The following SAXO5 variants were observed in gnomAD, a reference collection of about 807,000 sequenced individuals.
SAXO5 encodes testis expressed 45.
chr19:7,505,862 G>A, the SAXO5 span: 2 of 1,210,110 alleles, frequency 1.7e-6, no homozygotes, highest in Non-Finnish European at 2.3e-6. Context: ...CAGAAGGGGT[G>A]AGGGAGCTGT....
the SAXO5 span, among the ~76,000 whole-genome samples, chr19:7,502,118 T>C: frequency 2.2e-4 from 34 of 152,158 alleles, no homozygotes; most frequent in African/African-American, 7.9e-4. Context: ...TATATGTGTA[T>C]ATATTTTTTT....
At chr19:7,498,430 C>G in the SAXO5 span, among the ~76,000 whole-genome samples, 6 of 125,194 alleles carry the variant, frequency 4.8e-5, no homozygotes, top group African/African-American at 1.8e-4. Flanking sequence ...GAGTTTCGCT[C>G]TTGTTGCCCA....
chr19:7,505,922 C>T, the SAXO5 span: 1 of 1,530,270 alleles, frequency 6.5e-7, no homozygotes, highest in Non-Finnish European at 8.8e-7. Context: ...GCCCGGGGAC[C>T]TCTCGGACGC....
the SAXO5 span, chr19:7,505,672 A>G: frequency 3.7e-5 from 58 of 1,564,450 alleles, no homozygotes; most frequent in Admixed American, 7.2e-4. Context: ...GGCTTCCCAG[A>G]CAGAGCAAAT....
the SAXO5 span, chr19:7,505,971 C>G: frequency 6.3e-7 from 1 of 1,584,580 alleles, no homozygotes; most frequent in Non-Finnish European, 8.6e-7. Context: ...CAGCCGCCAC[C>G]CCCGACCCAG....
the SAXO5 span, among the ~76,000 whole-genome samples, chr19:7,499,215 G>A: frequency 6.6e-6 from 1 of 152,060 alleles, no homozygotes; most frequent in Non-Finnish European, 1.5e-5. Context: ...GGGAGGCTGA[G>A]GCAGGAGAGT....
the SAXO5 span, chr19:7,508,227 C>A: frequency 1.2e-6 from 2 of 1,613,930 alleles, no homozygotes; most frequent in Non-Finnish European, 1.7e-6. Flanking sequence ...CCACATGGAG[C>A]CCCCTCTGGG....
chr19:7,503,325 C>A, the SAXO5 span, among the ~76,000 whole-genome samples: 1 of 151,886 alleles, frequency 6.6e-6, no homozygotes, highest in African/African-American at 2.4e-5. Context: ...CAAGATTGTG[C>A]CACTGCACTC....
the SAXO5 span, chr19:7,504,094 C>CTCTCTCTCTT: frequency 1.3e-6 from 2 of 1,505,624 alleles, no homozygotes; most frequent in Non-Finnish European, 1.8e-6. Flanking sequence ...CTCTCTCTCT[C>CTCTCTCTCTT]CCCCCATCCC....
chr19:7,507,018 C>G, the SAXO5 span: 1 of 1,565,086 alleles, frequency 6.4e-7, no homozygotes, highest in East Asian at 2.2e-5. Context: ...CGCCTCGGCC[C>G]ACAGCCCTCA....
the SAXO5 span, among the ~76,000 whole-genome samples, chr19:7,504,594 T>G: frequency 6.6e-6 from 1 of 151,596 alleles, no homozygotes; most frequent in African/African-American, 2.4e-5. Flanking sequence ...TAATCCCAGT[T>G]ACTCCGGAGG....
At chr19:7,501,401 T>A in the SAXO5 span, 1 of 1,484,046 alleles carries the variant, frequency 6.7e-7, no homozygotes, top group Non-Finnish European at 8.8e-7. Context: ...GCCACCTCGG[T>A]GAGCGCGCGC....
At chr19:7,505,658 A>G in the SAXO5 span, 6 of 1,595,332 alleles carry the variant, frequency 3.8e-6, no homozygotes, top group Non-Finnish European at 5.2e-6. Flanking sequence ...GCGGCAGGGA[A>G]AAGGGCTTCC....
the SAXO5 span, chr19:7,504,007 G>A: frequency 1.4e-6 from 1 of 712,314 alleles, no homozygotes; most frequent in Non-Finnish European, 2.5e-6. Context: ...ACACTGTTCA[G>A]AATGGCCCAG....
At chr19:7,507,535 G>A in the SAXO5 span, among the ~76,000 whole-genome samples, 5 of 151,734 alleles carry the variant, frequency 3.3e-5, no homozygotes, top group South Asian at 6.2e-4. Context: ...AGCCAAGATC[G>A]CACCATTGCA....
chr19:7,504,094 C>CTCTCTCTCTCA, the SAXO5 span: 2 of 1,505,628 alleles, frequency 1.3e-6, no homozygotes, highest in East Asian at 2.3e-5. Context: ...CTCTCTCTCT[C>CTCTCTCTCTCA]CCCCCATCCC....
chr19:7,504,340 C>T, the SAXO5 span: 2 of 1,614,216 alleles, frequency 1.2e-6, no homozygotes, highest in Admixed American at 1.7e-5. Context: ...TGGGAGACTG[C>T]AAGATCAGCT....
the SAXO5 span, chr19:7,504,080 A>ATCTCTCTCTCTCTCTCTCTCTC: frequency 9.1e-6 from 11 of 1,202,388 alleles, no homozygotes; most frequent in African/African-American, 9.3e-5. Flanking sequence ...GGGAATCTCA[A>ATCTCTCTCTCTCTCTCTCTCTC]TCTCTCTCTC....
At chr19:7,497,784 T>C in the SAXO5 span, 1 of 152,224 alleles carries the variant, frequency 6.6e-6, no homozygotes, top group Non-Finnish European at 1.5e-5. Context: ...GTCTCAGTTG[T>C]TGGATTCTCT....
Sources: gnomAD v4.1 joint callset for allele counts (sites outside exome capture counted in the v4.1 genomes callset) on GRCh38, gnomAD v4.1.1 for gene constraint, MANE v1.5 for transcripts, NCBI Gene and HGNC (gene_info 2026-07-23, HGNC 2026-07-21) for gene names.